EPHA5: variants seen among roughly 807,000 people sequenced by gnomAD.
EPHA5 encodes ephrin type-A receptor 5.
In EPHA5, 60 loss-of-function variants were observed where a neutral mutation model predicts 105.0. That is an observed-to-expected ratio of 0.57 (90% confidence interval 0.46 to 0.71). EPHA5 has a LOEUF of 0.71. EPHA5 is among the 30% of genes least tolerant of loss of function. The pLI, the probability that EPHA5 is intolerant of heterozygous loss-of-function variation, is 0.00. For synonymous variants in EPHA5, 513 were observed against 449.1 expected (o/e 1.14, Z -1.80); for missense variants, 1,218 against 1,274.7 (o/e 0.96, Z 0.68).
chr4:65,332,773 T>A (rs1349417602), intron 15 of EPHA5, among the ~76,000 whole-genome samples: 1 of 151,852 alleles, frequency 6.6e-6, no homozygotes, highest in Non-Finnish European at 1.5e-5. Context: ...TCTTTGTTTA[T>A]GAAGGTAAGA....
intron 3 of EPHA5, among the ~76,000 whole-genome samples, chr4:65,523,656 G>A (rs529571458): frequency 6.6e-6 from 1 of 152,034 alleles, no homozygotes; most frequent in African/African-American, 2.4e-5. Flanking sequence ...CAGAAACCAG[G>A]AACTATCAGT....
chr4:65,449,578 A>G (rs1343666500), intron 5 of EPHA5, among the ~76,000 whole-genome samples: 1 of 152,218 alleles, frequency 6.6e-6, no homozygotes, highest in East Asian at 1.9e-4. Context: ...TATAACAATT[A>G]TATAGTGAAG....
At chr4:65,354,696 T>C (rs995289694) in intron 11 of EPHA5, among the ~76,000 whole-genome samples, 8 of 151,724 alleles carry the variant, frequency 5.3e-5, no homozygotes, top group Non-Finnish European at 8.9e-5. Flanking sequence ...ACAGCTTGCA[T>C]ATTTACACAT....
intron 1 of EPHA5, among the ~76,000 whole-genome samples, chr4:65,644,220 C>CA (rs1428643386): frequency 1.1e-3 from 154 of 144,224 alleles, no homozygotes; most frequent in Non-Finnish European, 1.7e-3. Flanking sequence ...ACACACACAC[C>CA]CCCATGCACA....
intron 1 of EPHA5, among the ~76,000 whole-genome samples, chr4:65,660,903 C>T (rs1484319716): frequency 2.0e-5 from 3 of 152,106 alleles, no homozygotes; most frequent in Non-Finnish European, 4.4e-5. Flanking sequence ...GGAATTCCCT[C>T]ACATAACATA....
intron 2 of EPHA5, among the ~76,000 whole-genome samples, chr4:65,625,973 G>A (rs1323841508): frequency 6.6e-6 from 1 of 151,920 alleles, no homozygotes; most frequent in Non-Finnish European, 1.5e-5. Flanking sequence ...GGTGGCGGGC[G>A]CCTCTAGTCC....
intron 14 of EPHA5, among the ~76,000 whole-genome samples, chr4:65,336,893 T>C (rs1350101105): frequency 6.6e-6 from 1 of 152,116 alleles, no homozygotes; most frequent in Non-Finnish European, 1.5e-5. Flanking sequence ...GTTTATTTTA[T>C]TATTAAAATT....
intron 3 of EPHA5, among the ~76,000 whole-genome samples, chr4:65,506,716 GTTGT>G (rs746783652): frequency 4.9e-4 from 75 of 151,720 alleles, no homozygotes; most frequent in Non-Finnish European, 7.9e-4. Flanking sequence ...TGTTGATGGA[GTTGT>G]TTGTTTTTTT....
chr4:65,408,739 G>T (rs1407976879), intron 7 of EPHA5, among the ~76,000 whole-genome samples: 1 of 151,884 alleles, frequency 6.6e-6, no homozygotes, highest in African/African-American at 2.4e-5. Context: ...TACACTGTTG[G>T]GGGGACTGTA....
At chr4:65,452,903 A>T (rs1463823816) in intron 5 of EPHA5, among the ~76,000 whole-genome samples, 1 of 152,184 alleles carries the variant, frequency 6.6e-6, no homozygotes, top group Non-Finnish European at 1.5e-5. Flanking sequence ...AAATCCTCCA[A>T]AAAGAAGAAA....
intron 3 of EPHA5, among the ~76,000 whole-genome samples, chr4:65,507,158 T>C (rs997783830): frequency 1.3e-5 from 2 of 152,184 alleles, no homozygotes; most frequent in Non-Finnish European, 2.9e-5. Context: ...GTCAGGTTTG[T>C]CAAAGGTCAG....
At chr4:65,438,485 T>C (rs182185442) in intron 5 of EPHA5, among the ~76,000 whole-genome samples, 57 of 152,010 alleles carry the variant, frequency 3.7e-4, no homozygotes, top group African/African-American at 1.4e-3. Context: ...TTTTCATCTT[T>C]GAAAGGCCTC....
chr4:65,409,844 TA>T (rs1388739696), intron 7 of EPHA5, among the ~76,000 whole-genome samples: 2 of 152,180 alleles, frequency 1.3e-5, no homozygotes, highest in Non-Finnish European at 2.9e-5. Context: ...ATTTTCAAAA[TA>T]ATGAGATATC....
intron 6 of EPHA5, among the ~76,000 whole-genome samples, chr4:65,417,379 C>T (rs1350962417): frequency 6.6e-6 from 1 of 152,090 alleles, no homozygotes; most frequent in African/African-American, 2.4e-5. Flanking sequence ...ACTCATAATC[C>T]ATTTTTTTTA....
At chr4:65,429,663 A>C (rs896054863) in intron 5 of EPHA5, among the ~76,000 whole-genome samples, 20 of 152,058 alleles carry the variant, frequency 1.3e-4, no homozygotes, top group Non-Finnish European at 2.9e-4. Flanking sequence ...AGAATAATTT[A>C]ATTCACTAGG....
At chr4:65,429,969 C>G (rs1724821018) in intron 5 of EPHA5, among the ~76,000 whole-genome samples, 1 of 151,942 alleles carries the variant, frequency 6.6e-6, no homozygotes, top group African/African-American at 2.4e-5. Flanking sequence ...CAGCCTGGAA[C>G]TAGAGAAAAT....
intron 1 of EPHA5, among the ~76,000 whole-genome samples, chr4:65,644,153 A>C (rs1197527823): frequency 6.6e-6 from 1 of 151,992 alleles, no homozygotes; most frequent in Non-Finnish European, 1.5e-5. Flanking sequence ...TAGAAACTCC[A>C]GGACGGAAGT....
rs146998671 is a variant in EPHA5, at chr4:65,621,621, T to A, written c.247-19317A>T. 1.9e-3 allele frequency among the ~76,000 whole-genome samples: 290 copies of A among 152,164 alleles called. 3 individuals carry two copies. Among genetic ancestry groups the A allele is most frequent in the African/African-American group, 6.7e-3 (277 of 41,536 alleles). Reference sequence around the variant, plus strand: ...TGAAGGTACCAACATCAAAGTAAGGTGTGTTCAGAAATAACAAACCAGGAG... The same window carrying A: ...TGAAGGTACCAACATCAAAGTAAGGAGTGTTCAGAAATAACAAACCAGGAG... On this transcript the variant is annotated intron_variant, in intron 2 of 16. Transcript: ENST00000613740.
intron 3 of EPHA5, among the ~76,000 whole-genome samples, chr4:65,547,406 T>C (rs1180208938): frequency 2.0e-5 from 3 of 151,786 alleles, no homozygotes; most frequent in African/African-American, 7.3e-5. Context: ...AAGGAAGCTG[T>C]TTTTAAAAAG....
Sources: gnomAD v4.1 joint callset for allele counts (sites outside exome capture counted in the v4.1 genomes callset) on GRCh38, gnomAD v4.1.1 for gene constraint, MANE v1.5 for transcripts, NCBI Gene and HGNC (gene_info 2026-07-23, HGNC 2026-07-21) for gene names.